GPHN: variants seen among roughly 807,000 people sequenced by gnomAD.
GPHN encodes the protein gephyrin.
A neutral mutation model predicts 95.5 loss-of-function variants in GPHN; 17 were observed. That is an observed-to-expected ratio of 0.18 (90% CI 0.12 to 0.27). The LOEUF (loss-of-function observed/expected upper bound fraction) is 0.27. Among genes scored for constraint, GPHN ranks in the 10% least tolerant of loss-of-function variants. The pLI, the probability that GPHN is intolerant of heterozygous loss-of-function variation, is 1.00. For missense variants in GPHN, 660 were observed against 978.1 expected (o/e 0.67, Z 4.34); for synonymous variants, 320 against 322.5 (o/e 0.99, Z 0.08).
At chr14:67,658,603 A>C in the GPHN span, among the ~76,000 whole-genome samples, 1 of 152,288 alleles carries the variant, frequency 6.6e-6, no homozygotes, top group South Asian at 2.1e-4. Flanking sequence ...TCTCAAAAAA[A>C]ATAATAATAA....
chr14:67,426,457 G>C, the GPHN span, among the ~76,000 whole-genome samples: 2 of 152,234 alleles, frequency 1.3e-5, no homozygotes, highest in Admixed American at 1.3e-4. Flanking sequence ...TGTTGGCACA[G>C]TCAGTGTGTG....
At chr14:66,518,610 C>T (rs2058351924) in intron 1 of GPHN, among the ~76,000 whole-genome samples, 1 of 151,794 alleles carries the variant, frequency 6.6e-6, no homozygotes, top group Admixed American at 6.6e-5. Flanking sequence ...GATTAATGGG[C>T]AAAGAAATTA....
chr14:67,614,935 A>G, the GPHN span: 2 of 152,122 alleles, frequency 1.3e-5, no homozygotes, highest in African/African-American at 4.8e-5. Context: ...TGACATCACA[A>G]TGGGAGCTCA....
the GPHN span, among the ~76,000 whole-genome samples, chr14:67,696,492 G>A: frequency 3.9e-5 from 6 of 152,260 alleles, no homozygotes; most frequent in African/African-American, 1.4e-4. Flanking sequence ...TCACTTTATT[G>A]TGTCTATCTT....
At chr14:66,537,308 C>G (rs2059178454) in intron 1 of GPHN, among the ~76,000 whole-genome samples, 1 of 152,098 alleles carries the variant, frequency 6.6e-6, no homozygotes, top group South Asian at 2.1e-4. Flanking sequence ...CCCATCCATA[C>G]TTTGGGTGTT....
the GPHN span, chr14:67,223,903 C>T: frequency 3.0e-6 from 3 of 985,282 alleles, no homozygotes; most frequent in Non-Finnish European, 3.6e-6. Context: ...ATCTTAATAC[C>T]TCATTTTATT....
At chr14:67,119,654 GT>G (rs755480590) in intron 16 of GPHN, among the ~76,000 whole-genome samples, 1 of 152,138 alleles carries the variant, frequency 6.6e-6, no homozygotes, top group East Asian at 1.9e-4. Flanking sequence ...GCCGGGCGTG[GT>G]GGCGCATGCC....
chr14:66,687,567 C>T (rs1407890907), intron 2 of GPHN, among the ~76,000 whole-genome samples: 1 of 150,342 alleles, frequency 6.7e-6, no homozygotes. Flanking sequence ...CGGCTCACCG[C>T]AACCTCTCGC....
the GPHN span, among the ~76,000 whole-genome samples, chr14:67,527,593 C>T: frequency 5.9e-5 from 9 of 152,294 alleles, no homozygotes; most frequent in South Asian, 2.1e-4. Context: ...GCTGTGTCCC[C>T]GGTGTGTTTT....
chr14:67,611,570 T>C, the GPHN span, among the ~76,000 whole-genome samples: 14 of 152,282 alleles, frequency 9.2e-5, no homozygotes, highest in African/African-American at 2.4e-4. Flanking sequence ...CCTGGCCACA[T>C]GTACCCTGTA....
intron 2 of GPHN, among the ~76,000 whole-genome samples, chr14:66,724,951 T>G (rs72728611): frequency 0.059 from 8,943 of 152,200 alleles, 360 homozygotes; most frequent in Middle Eastern, 0.099. Context: ...TCCTCCAAAT[T>G]TATATGTTGA....
At chr14:67,663,948 T>C in the GPHN span, among the ~76,000 whole-genome samples, 13 of 152,298 alleles carry the variant, frequency 8.5e-5, no homozygotes, top group South Asian at 2.7e-3. Flanking sequence ...GGTCATTCCC[T>C]TATATCTAAC....
intron 13 of GPHN, 112 bp from the exon 14 acceptor site, chr14:67,110,028 A>T: frequency 2.1e-6 from 2 of 940,504 alleles, no homozygotes; most frequent in Non-Finnish European, 3.3e-6. Flanking sequence ...ATAAGACTGT[A>T]AGACTTTCTT....
the GPHN span, among the ~76,000 whole-genome samples, chr14:67,327,900 G>T: frequency 6.6e-6 from 1 of 152,148 alleles, no homozygotes; most frequent in Non-Finnish European, 1.5e-5. Context: ...GATTTGGGTT[G>T]GTTCCAAGTC....
the GPHN span, among the ~76,000 whole-genome samples, chr14:67,430,474 C>T: frequency 1.3e-5 from 2 of 152,186 alleles, no homozygotes; most frequent in African/African-American, 4.8e-5. Context: ...CAGAAAGAGC[C>T]TTCCCACGTG....
the GPHN span, among the ~76,000 whole-genome samples, chr14:67,250,072 C>T: frequency 2.2e-4 from 33 of 152,008 alleles, no homozygotes; most frequent in Non-Finnish European, 3.7e-4. Flanking sequence ...TTCACTAGAG[C>T]GATTTTATGG....
At chr14:67,061,346 C>CT (rs2075817274) in intron 11 of GPHN, among the ~76,000 whole-genome samples, 1 of 152,024 alleles carries the variant, frequency 6.6e-6, no homozygotes, top group Admixed American at 6.6e-5. Context: ...CAGTTTAGGT[C>CT]TTTATTATTA....
chr14:66,691,217 A>G (rs28391222), intron 2 of GPHN, among the ~76,000 whole-genome samples: 78,319 of 151,296 alleles, frequency 0.52, 23,277 homozygotes, highest in African/African-American at 0.82. Flanking sequence ...ATGGAGTCTC[A>G]CTCTGTCACC....
chr14:66,988,811 G>A (rs1361941796), intron 9 of GPHN, among the ~76,000 whole-genome samples: 1 of 151,934 alleles, frequency 6.6e-6, no homozygotes, highest in Non-Finnish European at 1.5e-5. Context: ...TGTAGCAGAA[G>A]AAAAACTAAA....
Sources: allele counts gnomAD v4.1 joint callset (sites outside exome capture counted in the v4.1 genomes callset), GRCh38; gene constraint gnomAD v4.1.1; transcripts MANE v1.5; gene names NCBI Gene and HGNC (gene_info 2026-07-23, HGNC 2026-07-21).